STK39: variants seen among roughly 807,000 people sequenced by gnomAD.
STK39 encodes serine/threonine kinase 39, also known as STE20/SPS1-related proline-alanine-rich protein kinase.
Under a neutral mutation model 77.8 loss-of-function variants are expected in STK39, and 20 were observed. The observed-to-expected ratio is 0.26, with a 90% confidence interval of 0.18 to 0.37. The LOEUF is 0.37. Among genes scored for constraint, STK39 ranks in the 10% least tolerant of loss-of-function variants. The pLI is 1.00. For missense variants in STK39, 479 were observed against 656.5 expected (o/e 0.73, Z 2.95); for synonymous variants, 246 against 234.1 (o/e 1.05, Z -0.47).
At position 168,026,384 on chromosome 2, in the gene STK39, C is replaced by T. The variant is rs12233212; in HGVS notation, c.1377-9289G>A. On this transcript the variant is annotated intron_variant, in intron 14 of 17. Coordinates refer to ENST00000355999, the MANE Select transcript of STK39 (RefSeq NM_013233.3). ...CATATAATTTTACAACTGAAAGAGGCCTTAGAGGTCACCTAATCCATTTCT... is the reference window on the plus strand; with the variant it reads ...CATATAATTTTACAACTGAAAGAGGTCTTAGAGGTCACCTAATCCATTTCT... Among the ~76,000 whole-genome samples, 23 of 152,244 alleles carry T rather than the reference C, an allele frequency of 1.5e-4. No homozygotes were observed. In the East Asian group the frequency reaches 4.4e-3, roughly 29 times the overall value.
At chr2:168,080,762 C>T (rs763610241) in intron 10 of STK39, among the ~76,000 whole-genome samples, 3 of 152,190 alleles carry the variant, frequency 2.0e-5, no homozygotes, top group Non-Finnish European at 2.9e-5. Flanking sequence ...TTGGGCTGGG[C>T]CCAGGGTCCC....
At chr2:168,004,483 A>G (rs1684073597) in intron 16 of STK39, among the ~76,000 whole-genome samples, 1 of 152,164 alleles carries the variant, frequency 6.6e-6, no homozygotes, top group Admixed American at 6.5e-5. Flanking sequence ...CTGTAATCCC[A>G]GCACTTTGGG....
intron 16 of STK39, among the ~76,000 whole-genome samples, chr2:167,965,486 AGTCAGTTTT>A (rs1488052888): frequency 6.6e-6 from 1 of 152,186 alleles, no homozygotes; most frequent in Non-Finnish European, 1.5e-5. Context: ...CCAGTAGAGA[AGTCAGTTTT>A]TTCTGCTTAC....
At chr2:167,955,685 T>C (rs1284959177) in intron 17 of STK39, 115 bp from the exon 18 acceptor site, 4 of 942,046 alleles carry the variant, frequency 4.2e-6, no homozygotes, top group Non-Finnish European at 6.4e-6. Context: ...GGACCATGTG[T>C]CCCATTTCTT....
At chr2:168,133,948 G>C (rs753850606) in intron 8 of STK39, among the ~76,000 whole-genome samples, 1 of 151,766 alleles carries the variant, frequency 6.6e-6, no homozygotes, top group African/African-American at 2.4e-5. Context: ...GGGTTTTTTT[G>C]GTTTTTATTT....
chr2:167,992,727 C>T (rs929077852), intron 16 of STK39, among the ~76,000 whole-genome samples: 4 of 151,960 alleles, frequency 2.6e-5, no homozygotes, highest in African/African-American at 9.7e-5. Context: ...GGTTTAAAGT[C>T]AAAGAAAAAC....
chr2:168,169,767 A>C (rs1688778261), intron 2 of STK39, among the ~76,000 whole-genome samples: 1 of 152,154 alleles, frequency 6.6e-6, no homozygotes, highest in East Asian at 1.9e-4. Context: ...AAGGTTCCAG[A>C]ATTTAAATGA....
At chr2:168,235,890 C>T (rs1241937473) in intron 1 of STK39, among the ~76,000 whole-genome samples, 7 of 152,014 alleles carry the variant, frequency 4.6e-5, no homozygotes, top group East Asian at 1.9e-4. Flanking sequence ...GTCTTTGCTA[C>T]TGTGAATAGT....
chr2:167,970,021 G>A (rs1043121861), intron 16 of STK39, among the ~76,000 whole-genome samples: 11 of 152,026 alleles, frequency 7.2e-5, no homozygotes, highest in African/African-American at 2.7e-4. Context: ...TTCAGGGCAG[G>A]GGCTTGCCCA....
chr2:167,972,565 T>C (rs1692377997), intron 16 of STK39, among the ~76,000 whole-genome samples: 1 of 152,156 alleles, frequency 6.6e-6, no homozygotes, highest in African/African-American at 2.4e-5. Flanking sequence ...TGTGTGGCCT[T>C]TACCATTTGT....
At chr2:168,051,032 C>T (rs1685381907) in intron 14 of STK39, among the ~76,000 whole-genome samples, 1 of 152,222 alleles carries the variant, frequency 6.6e-6, no homozygotes, top group Non-Finnish European at 1.5e-5. Flanking sequence ...CTGAAATATA[C>T]TTGTTACCTT....
In STK39 at chr2:168,033,943, C is replaced by T. The variant is rs200857573; in HGVS notation, c.1377-16848G>A. ...ATGGACAGTGCCTTCTGCAAGCACT[C>T]AGTATTAGTGAAAAAACATCAACAG... On this transcript the variant is annotated intron_variant, in intron 14 of 17. Transcript: ENST00000355999. Among the ~76,000 whole-genome samples the T allele has an allele frequency of 3.3e-5, 5 of 152,158 alleles. No homozygotes were observed. The East Asian group carries it at 9.6e-4, about 29-fold the overall frequency.
At chr2:168,241,540 G>A (rs1021077425) in intron 1 of STK39, among the ~76,000 whole-genome samples, 1 of 152,198 alleles carries the variant, frequency 6.6e-6, no homozygotes, top group Non-Finnish European at 1.5e-5. Context: ...CACAGCAGTG[G>A]AGGTGCAAGG....
intron 13 of STK39, among the ~76,000 whole-genome samples, chr2:168,064,000 G>C (rs141493236): frequency 6.6e-6 from 1 of 152,272 alleles, no homozygotes; most frequent in Non-Finnish European, 1.5e-5. Flanking sequence ...TTCTCACCTA[G>C]AGCCCATTTT....
intron 16 of STK39, among the ~76,000 whole-genome samples, chr2:167,969,994 A>G (rs1692285042): frequency 6.6e-6 from 1 of 152,080 alleles, no homozygotes; most frequent in Non-Finnish European, 1.5e-5. Context: ...CACAGCCTCC[A>G]TGCTGACCCT....
intron 10 of STK39, among the ~76,000 whole-genome samples, chr2:168,102,975 T>C (rs1003388746): frequency 6.6e-6 from 1 of 151,602 alleles, no homozygotes; most frequent in African/African-American, 2.4e-5. Flanking sequence ...CTGGGTGAAT[T>C]TTCTCTTTGG....
At position 168,167,538 on chromosome 2, in the gene STK39, T is replaced by C. The variant is rs559523910; in HGVS notation, c.322-131A>G. On this transcript the variant is annotated intron_variant, in intron 2 of 17. Transcript: ENST00000355999. Reference sequence around the variant, plus strand: ...CTACCTGAGGGGCTGCCTAAGCCATTACTTCAAAGAAGGTATATAAGGACC... The same window carrying C: ...CTACCTGAGGGGCTGCCTAAGCCATCACTTCAAAGAAGGTATATAAGGACC... The C allele has an allele frequency of 1.1e-4, 76 of 698,844 alleles. No individual in the cohort carries two copies. The African/African-American group carries it at 1.1e-3, about 10-fold the overall frequency. 43.3% of individuals were successfully genotyped at this position (698,844 alleles called of 1,614,324 possible).
intron 14 of STK39, among the ~76,000 whole-genome samples, chr2:168,049,093 G>A (rs1262054095): frequency 6.6e-6 from 1 of 152,192 alleles, no homozygotes; most frequent in African/African-American, 2.4e-5. Context: ...TCGTTGGATT[G>A]TCAGTTGATG....
chr2:168,013,826 G>GTGTGTT (rs1559056957), intron 15 of STK39, among the ~76,000 whole-genome samples: 1 of 80,802 alleles, frequency 1.2e-5, no homozygotes, highest in African/African-American at 3.5e-5. Context: ...GTGTGTGTGT[G>GTGTGTT]TGTGTGTGTA....
Sources: allele counts gnomAD v4.1 joint callset (sites outside exome capture counted in the v4.1 genomes callset), GRCh38; gene constraint gnomAD v4.1.1; transcripts MANE v1.5; gene names NCBI Gene and HGNC (gene_info 2026-07-23, HGNC 2026-07-21).